Variants in PARD3 observed in about 807,000 individuals in gnomAD.
PARD3 encodes the protein par-3 family cell polarity regulator, also known as partitioning defective 3 homolog.
PARD3 carries 75 observed loss-of-function variants against 155.4 expected under a neutral mutation model. The ratio of observed to expected loss-of-function variants is 0.48; its 90% confidence interval spans 0.40 to 0.58. The LOEUF is 0.58. Ranked by LOEUF, PARD3 falls within the 20% of genes least tolerant of loss-of-function variation. PARD3 has a pLI of 0.00. For synonymous variants in PARD3, 576 were observed against 610.5 expected (o/e 0.94, Z 0.83); for missense variants, 1,642 against 1,721.7 (o/e 0.95, Z 0.82).
At chr10:34,328,280 C>A (rs1225112931) in intron 19 of PARD3, among the ~76,000 whole-genome samples, 1 of 152,018 alleles carries the variant, frequency 6.6e-6, no homozygotes, top group Non-Finnish European at 1.5e-5. Context: ...CTATGATTTG[C>A]CAAGCTTTGT....
chr10:34,738,276 T>A (rs192498748), intron 1 of PARD3, among the ~76,000 whole-genome samples: 14 of 152,350 alleles, frequency 9.2e-5, no homozygotes, highest in African/African-American at 2.9e-4. Flanking sequence ...CAGGATTTTA[T>A]AAGCACCACT....
intron 22 of PARD3, among the ~76,000 whole-genome samples, chr10:34,167,946 A>G (rs1377060351): frequency 2.6e-5 from 4 of 152,206 alleles, no homozygotes; most frequent in Admixed American, 1.3e-4. Flanking sequence ...TGAACAAAAA[A>G]AAGGGTGACC....
chr10:34,642,920 G>C (rs1454250626), intron 2 of PARD3, among the ~76,000 whole-genome samples: 1 of 152,118 alleles, frequency 6.6e-6, no homozygotes, highest in Non-Finnish European at 1.5e-5. Flanking sequence ...GCTTCCCATT[G>C]CCCTGATAAC....
At chr10:34,112,182 C>A (rs1397394440) in intron 24 of PARD3, among the ~76,000 whole-genome samples, 2 of 152,346 alleles carry the variant, frequency 1.3e-5, no homozygotes, top group East Asian at 3.9e-4. Context: ...CTCCGGGATA[C>A]CTGCTCATCC....
chr10:34,393,437 C>T (rs1319308866), intron 7 of PARD3, among the ~76,000 whole-genome samples: 2 of 151,786 alleles, frequency 1.3e-5, no homozygotes, highest in African/African-American at 2.4e-5. Context: ...AAAAATTAGC[C>T]GGGCATGGAG....
At chr10:34,814,832 T>TCCC in intron 1 of PARD3, 44 bp downstream of exon 1, 1 of 1,202,350 alleles carries the variant, frequency 8.3e-7, no homozygotes, top group Non-Finnish European at 1.2e-6. Context: ...CCCGGCGCCG[T>TCCC]CCCCGCCGCC....
chr10:34,770,435 A>C (rs1370608871), intron 1 of PARD3, among the ~76,000 whole-genome samples: 1 of 152,198 alleles, frequency 6.6e-6, no homozygotes, highest in Non-Finnish European at 1.5e-5. Context: ...AACACCCTGC[A>C]CATAAAAGGG....
intron 5 of PARD3, among the ~76,000 whole-genome samples, chr10:34,408,955 T>A (rs952199946): frequency 2.0e-5 from 3 of 152,124 alleles, no homozygotes; most frequent in Admixed American, 1.3e-4. Flanking sequence ...CCTTATAATA[T>A]AAACTATGCT....
Position 34,701,520 on chromosome 10 carries a change from A to G in PARD3, c.121-5101T>C, listed in dbSNP as rs1317108710. On this transcript the variant is annotated intron_variant, in intron 1 of 24. Coordinates refer to ENST00000374788, the MANE Select transcript of PARD3 (RefSeq NM_001184785.2). ...CCCCAAGGTAACTGTGGGGAAAGCC[A>G]AGAAGCAGCAAGACTTCCCCAACAG... 1.4e-4 allele frequency among the ~76,000 whole-genome samples: 22 copies of G among 152,214 alleles called. 1 individual carries two copies. The highest frequency in any genetic ancestry group is 1.4e-3 in the Admixed American group (22 of 15,282).
Position 34,341,700 on chromosome 10 carries a change from G to A in PARD3, c.2335C>T (p.His779Tyr), listed in dbSNP as rs1836848745. 6.2e-7 allele frequency: 1 copy of A among 1,613,820 alleles called. No homozygotes were observed. The change falls in exon 16 of 25, where the codon CAT becomes TAT. Residue 779 changes from histidine to tyrosine, a missense_variant. Physicochemically the swap from His to Tyr is moderately conservative, Grantham distance 83. This residue lies in a region of PARD3 where 1,529 missense variants were observed against 1,587.3 expected (regional missense o/e 0.96). Coordinates refer to ENST00000374788, the MANE Select transcript of PARD3 (RefSeq NM_001184785.2). The part of the protein sequence containing the change: ...HLSDQSSSSS[H>Y]DDVGFVTADA... Reference sequence around the variant, plus strand: ...GCCGTCACAAACCCCACATCATCATGGGAGCTGGAAGAGGACTGGTCAGAG... The same window carrying A: ...GCCGTCACAAACCCCACATCATCATAGGAGCTGGAAGAGGACTGGTCAGAG...
chr10:34,681,730 T>TTTTATATATATA (rs1344348436), intron 2 of PARD3, among the ~76,000 whole-genome samples: 4 of 29,976 alleles, frequency 1.3e-4, no homozygotes, highest in South Asian at 1.4e-3. Flanking sequence ...CGTATGTATT[T>TTTTATATATATA]TATATATATA....
chr10:34,677,914 A>G (rs1404826744), intron 2 of PARD3, among the ~76,000 whole-genome samples: 6 of 152,190 alleles, frequency 3.9e-5, no homozygotes, highest in Admixed American at 2.6e-4. Flanking sequence ...GTAATTACAA[A>G]CTAGCTCCAA....
intron 24 of PARD3, among the ~76,000 whole-genome samples, chr10:34,115,076 C>T (rs1018304345): frequency 6.6e-6 from 1 of 152,166 alleles, no homozygotes; most frequent in East Asian, 1.9e-4. Flanking sequence ...ATCTGATGCC[C>T]GAGGAAAGCC....
chr10:34,580,790 T>G (rs903673940), intron 2 of PARD3, among the ~76,000 whole-genome samples: 1 of 152,188 alleles, frequency 6.6e-6, no homozygotes, highest in Non-Finnish European at 1.5e-5. Context: ...CAGGGCCACT[T>G]AGAGACACAA....
chr10:34,783,254 G>A (rs1240392896), intron 1 of PARD3, among the ~76,000 whole-genome samples: 1 of 151,858 alleles, frequency 6.6e-6, no homozygotes, highest in African/African-American at 2.4e-5. Context: ...ATTTCTGATT[G>A]GCCTCCATTT....
chr10:34,421,727 G>A (rs548246875), intron 5 of PARD3, among the ~76,000 whole-genome samples: 28 of 152,226 alleles, frequency 1.8e-4, no homozygotes, highest in African/African-American at 6.5e-4. Context: ...AAACAGATGA[G>A]TGAACAAAAC....
chr10:34,277,883 G>A (rs758827185), intron 21 of PARD3, among the ~76,000 whole-genome samples: 8 of 152,156 alleles, frequency 5.3e-5, no homozygotes, highest in Non-Finnish European at 1.2e-4. Context: ...GACTGAAAGT[G>A]AGGGTAGAAT....
intron 2 of PARD3, among the ~76,000 whole-genome samples, chr10:34,594,819 C>A (rs1292801605): frequency 3.3e-5 from 5 of 151,992 alleles, no homozygotes; most frequent in Non-Finnish European, 5.9e-5. Context: ...AAGTGTGAGA[C>A]CCTGTCTCAA....
chr10:34,356,183 T>G (rs1426769308), intron 14 of PARD3, among the ~76,000 whole-genome samples: 1 of 152,148 alleles, frequency 6.6e-6, no homozygotes, highest in Non-Finnish European at 1.5e-5. Flanking sequence ...CAATGTGCCC[T>G]GTCGCGACTA....
Sources: allele counts gnomAD v4.1 joint callset (sites outside exome capture counted in the v4.1 genomes callset), GRCh38; gene constraint gnomAD v4.1.1; regional missense constraint gnomAD v4.1.1; transcripts MANE v1.5; gene names NCBI Gene and HGNC (gene_info 2026-07-23, HGNC 2026-07-21).